Variants in PPP2R2D observed in about 807,000 individuals in gnomAD.
PPP2R2D encodes protein phosphatase 2 regulatory subunit Bdelta, also known as serine/threonine-protein phosphatase 2A 55 kDa regulatory subunit B delta isoform.
PPP2R2D carries 9 observed loss-of-function variants against 31.1 expected under a neutral mutation model. The ratio of observed to expected loss-of-function variants is 0.29; its 90% CI spans 0.17 to 0.51. PPP2R2D has a LOEUF of 0.51. Among genes scored for constraint, PPP2R2D ranks in the 20% least tolerant of loss-of-function variants. The probability of loss-of-function intolerance (pLI) is 0.98; values close to 1 mark genes in which losing one functional copy is unlikely to be tolerated. For synonymous variants in PPP2R2D, 179 were observed against 172.6 expected (o/e 1.04, Z -0.29); for missense variants, 391 against 465.6 (o/e 0.84, Z 1.48).
At position 131,959,657 on chromosome 10, in the gene PPP2R2D, A is replaced by C. The variant is rs1009328115; in HGVS notation, c.*3694A>C. 6.5e-6 allele frequency: 1 copy of C among 152,830 alleles called. No homozygotes were observed. Among genetic ancestry groups the C allele is most frequent in the East Asian group, 1.9e-4 (1 of 5,190 alleles). The allele number at this position is 152,830 out of a possible 1,614,324, so 9.5% of individuals were successfully genotyped here. On this transcript the variant is annotated 3_prime_UTR_variant, in exon 9 of 9. Transcript: ENST00000455566. Reference sequence around the variant, plus strand: ...TAAAGGTACCTTTATTTTAACTAAAAAATAATTTATATACTGTATATTGAT... The same window carrying C: ...TAAAGGTACCTTTATTTTAACTAAACAATAATTTATATACTGTATATTGAT...
rs2119928058 is a variant in PPP2R2D at position 131,947,628 on chromosome 10, A to G, written c.919A>G (p.Met307Val). ...VKFSHSGRYM[M>V]TRDYLSVKVW... ...ATTCAGTCATAGTGGGCGGTACATGATGACCAGAGACTACCTGTCGGTGAA... is the reference window on the plus strand; with the variant it reads ...ATTCAGTCATAGTGGGCGGTACATGGTGACCAGAGACTACCTGTCGGTGAA... Residue 307 changes from methionine to valine, a missense_variant, in exon 8 of 9, where the codon ATG becomes GTG. By Grantham distance (21) the Met-to-Val change is conservative (BLOSUM62 1). Transcript: ENST00000455566. The surrounding 1 kb of genome is among the most constrained non-coding windows in gnomAD (Gnocchi z 4.3). 1 of 1,614,250 alleles carries G rather than the reference A, an allele frequency of 6.2e-7. No homozygotes were observed. Among genetic ancestry groups the G allele is most frequent in the Admixed American group, 1.7e-5 (1 of 60,032 alleles).
chr10:131,970,521 T>C, the PPP2R2D span: 3 of 1,384,282 alleles, frequency 2.2e-6, no homozygotes, highest in Non-Finnish European at 2.9e-6. This position sits in a 1 kb window ranked among gnomAD's most constrained non-coding sequence, Gnocchi z 4.1. Context: ...TTTGTGAAAA[T>C]GCACCAAGCT....
At chr10:131,971,213 C>T in the PPP2R2D span, 2 of 528,520 alleles carry the variant, frequency 3.8e-6, no homozygotes, top group Non-Finnish European at 6.8e-6. Context: ...GGGAGCCCCA[C>T]TCAGGGCGTA....
intron 2 of PPP2R2D, among the ~76,000 whole-genome samples, 163 bp downstream of exon 2, chr10:131,901,493 G>C (rs1186709763): frequency 1.3e-5 from 2 of 151,784 alleles, no homozygotes; most frequent in African/African-American, 4.8e-5. Flanking sequence ...TCGGGGGGCG[G>C]CCGTCCTCTG....
intron 2 of PPP2R2D, among the ~76,000 whole-genome samples, chr10:131,920,623 C>T (rs1255625027): frequency 6.6e-6 from 1 of 152,184 alleles, no homozygotes; most frequent in Admixed American, 6.5e-5. Flanking sequence ...TTCTAACCTA[C>T]TTTTGTTTAT....
At chr10:131,970,223 T>C in the PPP2R2D span, 77 of 186,664 alleles carry the variant, frequency 4.1e-4, no homozygotes, top group African/African-American at 1.7e-3. This position sits in a 1 kb window ranked among gnomAD's most constrained non-coding sequence, Gnocchi z 4.1. Flanking sequence ...TGAGAGTTAC[T>C]AGAACAACAG....
In PPP2R2D at chr10:131,931,153, G is replaced by C. The variant is rs78489553; in HGVS notation, c.101-3305G>C. Among the ~76,000 whole-genome samples the C allele has an allele frequency of 5.6e-4, 86 of 152,256 alleles. 1 individual carries two copies. In the East Asian group the frequency reaches 0.015, roughly 26 times the overall value. Reference sequence around the variant, plus strand: ...CCTCCATCAGGCGGGGATGATGATAGCCCTGCTTCCTGGGGCTCTTAGAGG... The same window carrying C: ...CCTCCATCAGGCGGGGATGATGATACCCCTGCTTCCTGGGGCTCTTAGAGG... On this transcript the variant is annotated intron_variant, in intron 2 of 8. Transcript: ENST00000455566.
intron 4 of PPP2R2D, 83 bp downstream of exon 4, chr10:131,940,279 A>G (rs2036419202): frequency 1.8e-6 from 1 of 567,688 alleles, no homozygotes; most frequent in Non-Finnish European, 3.2e-6. Flanking sequence ...TTTTTATTTT[A>G]GAAGTTATTC....
At chr10:131,903,544 T>G (rs1485520754) in intron 2 of PPP2R2D, among the ~76,000 whole-genome samples, 1 of 152,332 alleles carries the variant, frequency 6.6e-6, no homozygotes, top group East Asian at 1.9e-4. Context: ...TTTTGCAGTT[T>G]TAAATCCCTA....
chr10:131,947,840 G>A lies in PPP2R2D; in HGVS notation c.1082+49G>A, dbSNP rs1554898261. On this transcript the variant is annotated intron_variant, in intron 8 of 8. Transcript: ENST00000455566. The surrounding 1 kb of genome is among the most constrained non-coding windows in gnomAD (Gnocchi z 4.3). ...TGTCGCCCCAAGCTTGCTGGTTTCC[G>A]AGAGTGCAAGGTCAGTGAGGGAGGC... The A allele has an allele frequency of 1.1e-5, 17 of 1,594,808 alleles. No individual in the cohort carries two copies. Among genetic ancestry groups the A allele is most frequent in the South Asian group, 4.5e-5 (4 of 88,842 alleles).
downstream of PPP2R2D, among the ~76,000 whole-genome samples, chr10:131,961,555 G>C (rs1001351844): frequency 6.6e-6 from 1 of 152,190 alleles, no homozygotes; most frequent in African/African-American, 2.4e-5. Context: ...TTTGAGCTCC[G>C]TGCCTCTGTG....
chr10:131,949,562 G>A (rs1401667383), intron 8 of PPP2R2D, among the ~76,000 whole-genome samples: 5 of 152,126 alleles, frequency 3.3e-5, no homozygotes, highest in Non-Finnish European at 5.9e-5. Context: ...CAGCAGAACT[G>A]AACCTCCGAG....
chr10:131,943,634 C>A (rs1456645462), intron 5 of PPP2R2D, among the ~76,000 whole-genome samples: 1 of 152,162 alleles, frequency 6.6e-6, no homozygotes, highest in Non-Finnish European at 1.5e-5. Context: ...ACTTTGCTGT[C>A]CAGCGCCTCA....
intron 2 of PPP2R2D, chr10:131,912,716 A>G (rs1589923857): frequency 6.6e-6 from 1 of 152,226 alleles, no homozygotes; most frequent in African/African-American, 2.4e-5. Context: ...TTGCATGCAG[A>G]CATTCTGAGT....
chr10:131,968,374 CTTTTA>C, the PPP2R2D span: 2 of 656,580 alleles, frequency 3.0e-6, no homozygotes, highest in Admixed American at 5.3e-5. Context: ...AGTGTCTATT[CTTTTA>C]TTTTACTAAA....
At position 131,905,068 on chromosome 10, in the gene PPP2R2D, T is replaced by C. The variant is rs1049285072; in HGVS notation, c.100+3738T>C. The stretch of plus-strand genomic sequence containing the variant: ...TGTGATTCCACTGGGTCATCAGACT[T>C]CCCATCCCCCTGCAGGTAGGAGTAG... On this transcript the variant is annotated intron_variant, in intron 2 of 8. Transcript: ENST00000455566. Among the ~76,000 whole-genome samples the C allele has an allele frequency of 1.5e-4, 23 of 151,854 alleles. No homozygotes were observed. The East Asian group carries it at 2.3e-3, about 15-fold the overall frequency.
Position 131,945,272 on chromosome 10 carries a change from G to A in PPP2R2D, c.656-23G>A. The A allele has an allele frequency of 6.2e-7, 1 of 1,606,398 alleles. No individual in the cohort carries two copies. The highest frequency in any genetic ancestry group is 2.2e-5 in the East Asian group (1 of 44,762). On this transcript the variant is annotated intron_variant, in intron 6 of 8. Coordinates refer to ENST00000455566, the MANE Select transcript of PPP2R2D (RefSeq NM_018461.5). The surrounding 1 kb of genome is among the most constrained non-coding windows in gnomAD (Gnocchi z 4.8). ...TTAACAACCAGCTGAGCTGAGCACT[G>A]TGCCTTAACCATGCACTCCCAGACA... is the stretch of plus-strand genomic sequence containing the variant.
At chr10:131,901,590 G>T (rs1048675848) in intron 2 of PPP2R2D, among the ~76,000 whole-genome samples, 28 of 152,274 alleles carry the variant, frequency 1.8e-4, no homozygotes, top group African/African-American at 6.5e-4. Flanking sequence ...GGGCGGCCGG[G>T]TCCTCCGAAC....
intron 2 of PPP2R2D, among the ~76,000 whole-genome samples, chr10:131,929,033 G>A (rs562948414): frequency 3.9e-5 from 6 of 152,228 alleles, no homozygotes; most frequent in Non-Finnish European, 8.8e-5. Flanking sequence ...GCCTGGAGTT[G>A]TTTGTCTGCC....
Sources: gnomAD v4.1 joint callset for allele counts (sites outside exome capture counted in the v4.1 genomes callset) on GRCh38, gnomAD v4.1.1 for gene constraint, Gnocchi (gnomAD v3.1) non-coding constraint, MANE v1.5 for transcripts, NCBI Gene and HGNC (gene_info 2026-07-23, HGNC 2026-07-21) for gene names.